TRIM33: variants seen among roughly 807,000 people sequenced by gnomAD.
TRIM33 encodes E3 ubiquitin-protein ligase TRIM33.
TRIM33 carries 20 observed loss-of-function variants against 125.4 expected under a neutral mutation model. The observed-to-expected ratio is 0.16, with a 90% CI of 0.11 to 0.23. The LOEUF (loss-of-function observed/expected upper bound fraction) is 0.23. Among genes scored for constraint, TRIM33 ranks in the 10% least tolerant of loss-of-function variants. The pLI is 1.00. For missense variants in TRIM33, 920 were observed against 1,411.4 expected (o/e 0.65, Z 5.58); for synonymous variants, 564 against 513.9 (o/e 1.10, Z -1.32).
chr1:114,458,490 A>G (rs1162673801), intron 4 of TRIM33, among the ~76,000 whole-genome samples: 1 of 152,234 alleles, frequency 6.6e-6, no homozygotes, highest in African/African-American at 2.4e-5. Flanking sequence ...GAAGTGACTC[A>G]GCATAACTCA....
intron 12 of TRIM33, among the ~76,000 whole-genome samples, chr1:114,409,479 T>C (rs1451875976): frequency 6.6e-6 from 1 of 152,202 alleles, no homozygotes; most frequent in Non-Finnish European, 1.5e-5. Flanking sequence ...ATTATTTTAC[T>C]AAGTGTTTTA....
At chr1:114,418,291 C>T (rs1197152877) in intron 11 of TRIM33, among the ~76,000 whole-genome samples, 2 of 152,170 alleles carry the variant, frequency 1.3e-5, no homozygotes, top group African/African-American at 4.8e-5. Flanking sequence ...AGGTCCTTCC[C>T]TCGACCAGTA....
At chr1:114,446,666 CAAAA>C (rs577371227) in intron 4 of TRIM33, among the ~76,000 whole-genome samples, 3 of 151,508 alleles carry the variant, frequency 2.0e-5, no homozygotes, top group African/African-American at 4.9e-5. Flanking sequence ...GAACAAAACA[CAAAA>C]AAAGAGAAAT....
chr1:114,470,952 C>G (rs1219521256), intron 1 of TRIM33, among the ~76,000 whole-genome samples: 1 of 152,206 alleles, frequency 6.6e-6, no homozygotes, highest in Non-Finnish European at 1.5e-5. Flanking sequence ...GCTCATGCCA[C>G]CATGCCCAAC....
chr1:114,421,517 T>G lies in TRIM33; in HGVS notation c.1980A>C (p.Pro660=), dbSNP rs1418664689. Residue 660 remains proline, a synonymous_variant, in exon 11 of 20, where the codon CCA becomes CCC. Transcript: ENST00000358465. The stretch of plus-strand genomic sequence containing the variant: ...GGATTAGCTCTATTGCTGTAACAGA[T>G]GGGCTGGTGGGACCTCGGTTTGCAT... ...MANANRGPTS[P]SVTAIELIPS... is the part of the protein sequence containing the mutation. 2 of 1,614,048 alleles carry G rather than the reference T, an allele frequency of 1.2e-6. No homozygotes were observed. The highest frequency in any genetic ancestry group is 1.7e-6 in the Non-Finnish European group (2 of 1,180,022).
chr1:114,490,016 C>T (rs2101530194), intron 1 of TRIM33, among the ~76,000 whole-genome samples: 1 of 137,160 alleles, frequency 7.3e-6, no homozygotes, highest in Middle Eastern at 4.1e-3. Flanking sequence ...TTTAGGAGGC[C>T]GAGGCAGGAA....
chr1:114,473,009 T>C (rs1047801228), intron 1 of TRIM33, among the ~76,000 whole-genome samples: 2 of 151,986 alleles, frequency 1.3e-5, no homozygotes, highest in Non-Finnish European at 2.9e-5. Context: ...TAAAATGTTC[T>C]TTTTTTGGAG....
intron 14 of TRIM33, 77 bp downstream of exon 14, chr1:114,406,864 G>A: frequency 7.1e-7 from 1 of 1,416,058 alleles, no homozygotes; most frequent in African/African-American, 1.4e-5. Context: ...CCACTACTTA[G>A]TCTTAATATA....
intron 14 of TRIM33, among the ~76,000 whole-genome samples, chr1:114,406,332 T>C (rs776638737): frequency 3.9e-5 from 6 of 152,074 alleles, no homozygotes; most frequent in Non-Finnish European, 7.4e-5. Flanking sequence ...TACCAATACC[T>C]TGAGATGAAT....
intron 1 of TRIM33, among the ~76,000 whole-genome samples, chr1:114,470,561 T>A (rs1049906260): frequency 6.6e-6 from 1 of 152,116 alleles, no homozygotes; most frequent in Admixed American, 6.5e-5. Context: ...ATATTGAAAT[T>A]AGGCCAATAA....
At chr1:114,467,943 G>C (rs1256250740) in intron 1 of TRIM33, among the ~76,000 whole-genome samples, 2 of 152,176 alleles carry the variant, frequency 1.3e-5, no homozygotes, top group African/African-American at 4.8e-5. Context: ...GGAGTTGAGA[G>C]AATTTATACC....
rs770313674 is a variant in TRIM33 at position 114,510,739 on chromosome 1, G to C, written c.338C>G (p.Pro113Arg). ...SAPAPGPSAG[P>R]PPGPPASLLD... ...GAGCGAGGCTGGCGGTCCAGGAGGC[G>C]GCCCTGCCGAGGGACCCGGAGCGGG... Residue 113 changes from proline to arginine, a missense_variant, in exon 1 of 20, where the codon CCG becomes CGG. This residue lies in a region of TRIM33 where 233 missense variants were observed against 189.6 expected (regional missense o/e 1.23). Transcript: ENST00000358465. 14 of 1,526,658 alleles carry C rather than the reference G, an allele frequency of 9.2e-6. No individual in the cohort carries two copies. The highest frequency in any genetic ancestry group is 1.1e-5 in the Non-Finnish European group (13 of 1,141,588). 94.6% of individuals were successfully genotyped at this position (1,526,658 alleles called of 1,614,324 possible). A position where few individuals can be genotyped will look rare whatever the true frequency, so the allele number is the denominator to read the frequency against.
At chr1:114,487,030 T>G (rs1370729349) in intron 1 of TRIM33, among the ~76,000 whole-genome samples, 1 of 148,986 alleles carries the variant, frequency 6.7e-6, no homozygotes, top group Non-Finnish European at 1.5e-5. Flanking sequence ...GAGACTGCAG[T>G]GAGCCAAGAT....
intron 1 of TRIM33, chr1:114,468,661 A>G: frequency 2.3e-6 from 1 of 440,190 alleles, no homozygotes; most frequent in Non-Finnish European, 4.6e-6. Context: ...CCAGAGTATG[A>G]CCTTAATATT....
At chr1:114,460,188 GA>G (rs538753666) in intron 4 of TRIM33, 61 of 202,654 alleles carry the variant, frequency 3.0e-4, no homozygotes, top group Middle Eastern at 2.7e-3. Context: ...GGTGCCATGG[GA>G]AAAGGCTAAT....
chr1:114,482,024 G>A (rs1372022791), intron 1 of TRIM33, among the ~76,000 whole-genome samples: 1 of 152,118 alleles, frequency 6.6e-6, no homozygotes, highest in African/African-American at 2.4e-5. Context: ...GCCTCCCAAA[G>A]AGCTGGGATT....
chr1:114,473,008 C>A (rs1396160802), intron 1 of TRIM33, among the ~76,000 whole-genome samples: 6 of 151,682 alleles, frequency 4.0e-5, no homozygotes, highest in African/African-American at 1.5e-4. Flanking sequence ...ATAAAATGTT[C>A]TTTTTTTGGA....
intron 1 of TRIM33, among the ~76,000 whole-genome samples, chr1:114,478,378 T>C (rs991955683): frequency 6.6e-6 from 1 of 152,154 alleles, no homozygotes; most frequent in African/African-American, 2.4e-5. Flanking sequence ...GAACAGGTTT[T>C]GCTATACCTG....
chr1:114,424,235 A>G (rs991638815), intron 10 of TRIM33, among the ~76,000 whole-genome samples: 2 of 152,188 alleles, frequency 1.3e-5, no homozygotes, highest in Non-Finnish European at 2.9e-5. Flanking sequence ...GCCACATTAA[A>G]AGAGCAGAGC....
Sources: allele counts gnomAD v4.1 joint callset (sites outside exome capture counted in the v4.1 genomes callset), GRCh38; gene constraint gnomAD v4.1.1; regional missense constraint gnomAD v4.1.1; transcripts MANE v1.5; gene names NCBI Gene and HGNC (gene_info 2026-07-23, HGNC 2026-07-21).